The following KIAA1217 variants were observed in gnomAD, a reference collection of about 807,000 sequenced individuals.
KIAA1217 encodes the protein sickle tail protein homolog.
A neutral mutation model predicts 163.9 loss-of-function variants in KIAA1217; 88 were observed. The ratio of observed to expected loss-of-function variants is 0.54; its 90% CI spans 0.45 to 0.64. The LOEUF is 0.64. KIAA1217 is among the 30% of genes least tolerant of loss of function. KIAA1217 has a pLI of 0.00. For missense variants in KIAA1217, 2,372 were observed against 2,475.0 expected (o/e 0.96, Z 0.88); for synonymous variants, 903 against 923.1 (o/e 0.98, Z 0.39).
chr10:24,333,120 C>T (rs140819616), intron 2 of KIAA1217, among the ~76,000 whole-genome samples: 1 of 151,972 alleles, frequency 6.6e-6, no homozygotes, highest in African/African-American at 2.4e-5. Context: ...CTCCCAGGTT[C>T]AAGCAATTCT....
At chr10:24,453,169 A>G (rs747796697) in intron 5 of KIAA1217, among the ~76,000 whole-genome samples, 1 of 152,212 alleles carries the variant, frequency 6.6e-6, no homozygotes, top group Non-Finnish European at 1.5e-5. Flanking sequence ...GTCTCTATGC[A>G]GTGCCATTTC....
rs548806252 is a variant in KIAA1217 at position 24,531,808 on chromosome 10, G to A, written c.3083-22G>A. Reference sequence around the variant, plus strand: ...GTTTTCTTGAAAAAAGATTATTCTTGTAATGGTGCACTGTTTTCCAGAAGA... The same window carrying A: ...GTTTTCTTGAAAAAAGATTATTCTTATAATGGTGCACTGTTTTCCAGAAGA... On this transcript the variant is annotated intron_variant, in intron 14 of 20. Transcript: ENST00000376454. 9 of 1,545,904 alleles carry A rather than the reference G, an allele frequency of 5.8e-6. No homozygotes were observed. The East Asian group carries it at 1.8e-4, about 32-fold the overall frequency.
intron 1 of KIAA1217, among the ~76,000 whole-genome samples, chr10:23,950,474 A>G (rs1844284119): frequency 7.4e-6 from 1 of 134,364 alleles, no homozygotes; most frequent in Non-Finnish European, 1.5e-5. Context: ...CGACTCAATC[A>G]CAGACAGGGA....
chr10:23,944,299 C>A (rs1327572053), intron 1 of KIAA1217, among the ~76,000 whole-genome samples: 1 of 152,052 alleles, frequency 6.6e-6, no homozygotes, highest in Non-Finnish European at 1.5e-5. Flanking sequence ...ATGGCACACA[C>A]CTGTATTCCC....
chr10:24,198,181 A>T (rs1240776359), intron 2 of KIAA1217, among the ~76,000 whole-genome samples: 2 of 152,240 alleles, frequency 1.3e-5, no homozygotes, highest in East Asian at 3.9e-4. Context: ...TCAGTGGGTA[A>T]TATTTCTGTC....
intron 1 of KIAA1217, among the ~76,000 whole-genome samples, chr10:23,995,450 CTGTGTGTG>C (rs58865993): frequency 1.4e-4 from 20 of 147,780 alleles, no homozygotes; most frequent in South Asian, 2.2e-4. Context: ...CAATTATGGC[CTGTGTGTG>C]TGTGTGTGTG....
intron 2 of KIAA1217, among the ~76,000 whole-genome samples, chr10:24,056,735 C>A (rs1330878798): frequency 6.6e-6 from 1 of 151,900 alleles, no homozygotes; most frequent in Non-Finnish European, 1.5e-5. Flanking sequence ...GAGTAAGAGG[C>A]AGGAAGGGAA....
intron 20 of KIAA1217, 96 bp downstream of exon 20, chr10:24,545,199 A>G: frequency 6.5e-7 from 1 of 1,547,386 alleles, no homozygotes; most frequent in East Asian, 2.3e-5. Context: ...TCTTTGTAAG[A>G]TAACGGTTTA....
chr10:24,407,175 C>T (rs578165895), intron 3 of KIAA1217, among the ~76,000 whole-genome samples: 4 of 152,228 alleles, frequency 2.6e-5, no homozygotes, highest in Non-Finnish European at 5.9e-5. Context: ...TGGTTCTGAA[C>T]AGCAGGATGT....
intron 2 of KIAA1217, among the ~76,000 whole-genome samples, chr10:24,039,474 G>A (rs959811704): frequency 2.6e-5 from 4 of 152,064 alleles, no homozygotes; most frequent in African/African-American, 9.7e-5. Context: ...ACACCCCCTT[G>A]TCAGCCACAC....
intron 1 of KIAA1217, among the ~76,000 whole-genome samples, chr10:23,747,969 T>C (rs931528201): frequency 2.6e-5 from 4 of 152,212 alleles, no homozygotes; most frequent in African/African-American, 9.6e-5. Flanking sequence ...CTGGATTCCC[T>C]GGGGAAGCTC....
intron 1 of KIAA1217, among the ~76,000 whole-genome samples, chr10:23,874,155 A>G (rs1460212230): frequency 6.6e-6 from 1 of 151,910 alleles, no homozygotes; most frequent in African/African-American, 2.4e-5. Context: ...TTCACCCCTC[A>G]TGGTTAGCTA....
rs530992369 is a variant in KIAA1217, at chr10:24,220,446, C to CTTTTT, written c.354+559_354+563dup. Among the ~76,000 whole-genome samples the CTTTTT allele has an allele frequency of 1.9e-3, 191 of 103,088 alleles. 24 individuals are homozygous for CTTTTT. The highest frequency in any genetic ancestry group is 8.0e-3 in the African/African-American group (161 of 20,048). The allele number at this position is 103,088 out of a possible 152,430, so 67.6% of individuals were successfully genotyped here. A position where few individuals can be genotyped will look rare whatever the true frequency, so the allele number is the denominator to read the frequency against. ...ACATTAGGGTTTTGTTTCTGCTCTTCTTTTTTTTTTTTTTTTTTTTTTTTT... is the reference window on the plus strand; with the variant it reads ...ACATTAGGGTTTTGTTTCTGCTCTTCTTTTTTTTTTTTTTTTTTTTTTTTTTTTTT... On this transcript the variant is annotated intron_variant, in intron 2 of 20. Coordinates refer to ENST00000376454, the MANE Select transcript of KIAA1217 (RefSeq NM_019590.5).
intron 2 of KIAA1217, among the ~76,000 whole-genome samples, chr10:24,228,146 G>A (rs1009380153): frequency 1.3e-5 from 2 of 151,936 alleles, no homozygotes; most frequent in Non-Finnish European, 2.9e-5. Flanking sequence ...ATGATGACTC[G>A]TGCCAGTTGG....
intron 6 of KIAA1217, among the ~76,000 whole-genome samples, chr10:24,475,986 A>C (rs2063988801): frequency 6.6e-6 from 1 of 152,224 alleles, no homozygotes; most frequent in Non-Finnish European, 1.5e-5. Context: ...TGAGAGCCAG[A>C]ATCCTACCTC....
In KIAA1217 at chr10:24,427,492, T is replaced by C. The variant is rs965221944; in HGVS notation, c.554-5503T>C. ...AAGTGGACATATAGCTTCTGCCAAATGATGAGTTGTAACTTTTAGGCAAAT... is the reference window on the plus strand; with the variant it reads ...AAGTGGACATATAGCTTCTGCCAAACGATGAGTTGTAACTTTTAGGCAAAT... On this transcript the variant is annotated intron_variant, in intron 3 of 20. Coordinates refer to ENST00000376454, the MANE Select transcript of KIAA1217 (RefSeq NM_019590.5). 6.6e-5 allele frequency among the ~76,000 whole-genome samples: 10 copies of C among 152,312 alleles called. 1 individual carries two copies. The highest frequency in any genetic ancestry group is 1.3e-4 in the Admixed American group (2 of 15,298).
chr10:24,392,911 A>G (rs2055178888), intron 3 of KIAA1217, among the ~76,000 whole-genome samples: 1 of 152,338 alleles, frequency 6.6e-6, no homozygotes, highest in South Asian at 2.1e-4. Flanking sequence ...TACTGTTTTC[A>G]TAAATGCAAA....
chr10:24,458,611 T>A lies in KIAA1217; in HGVS notation c.847-14617T>A, dbSNP rs146968764. On this transcript the variant is annotated intron_variant, in intron 5 of 20. Transcript: ENST00000376454. ...ATAGATCCTGGCCCTGTTATCTGACTTCAGGTAAGATATTTGAAGTCTCTG... is the reference window on the plus strand; with the variant it reads ...ATAGATCCTGGCCCTGTTATCTGACATCAGGTAAGATATTTGAAGTCTCTG... Among the ~76,000 whole-genome samples the A allele has an allele frequency of 2.9e-3, 443 of 152,308 alleles. 1 individual carries two copies. The highest frequency in any genetic ancestry group is 9.7e-3 in the African/African-American group (403 of 41,558).
chr10:23,893,124 A>G (rs1399556165), intron 1 of KIAA1217, among the ~76,000 whole-genome samples: 2 of 151,526 alleles, frequency 1.3e-5, no homozygotes, highest in African/African-American at 2.4e-5. Flanking sequence ...CTGGTCCTGG[A>G]CTCTATTTGG....
Sources: gnomAD v4.1 joint callset for allele counts (sites outside exome capture counted in the v4.1 genomes callset) on GRCh38, gnomAD v4.1.1 for gene constraint, MANE v1.5 for transcripts, NCBI Gene and HGNC (gene_info 2026-07-23, HGNC 2026-07-21) for gene names.